SRL: variants seen among roughly 807,000 people sequenced by gnomAD.
The protein encoded by SRL is sarcalumenin.
SRL carries 23 observed loss-of-function variants against 39.5 expected under a neutral mutation model. That is an observed-to-expected ratio of 0.58 (90% CI 0.42 to 0.82). The LOEUF (loss-of-function observed/expected upper bound fraction) is 0.82. Among genes scored for constraint, SRL ranks in the 40% least tolerant of loss-of-function variants. The probability of loss-of-function intolerance (pLI) is 0.00; values close to 1 mark genes in which losing one functional copy is unlikely to be tolerated. For missense variants in SRL, 592 were observed against 607.8 expected (o/e 0.97, Z 0.27); for synonymous variants, 272 against 237.4 (o/e 1.15, Z -1.34).
intron 2 of SRL, among the ~76,000 whole-genome samples, chr16:4,204,032 C>T (rs546212623): frequency 3.0e-4 from 46 of 152,286 alleles, no homozygotes; most frequent in Non-Finnish European, 3.2e-4. Flanking sequence ...GTCAGGCTAG[C>T]GAGACTCTAC....
chr16:4,231,180 G>C (rs894712227), intron 1 of SRL, among the ~76,000 whole-genome samples: 1 of 152,144 alleles, frequency 6.6e-6, no homozygotes, highest in African/African-American at 2.4e-5. Flanking sequence ...GCTGAGCATG[G>C]TGGTGCATGC....
rs56280975 is a variant in SRL at position 4,203,129 on chromosome 16, C to T, written c.259+37G>A. ...CCCGCCGACAGGCCTGCGCCGTACC[C>T]GTAATCTCAAGCCCTACCTGTTATC... On this transcript the variant is annotated intron_variant, in intron 3 of 5. Coordinates refer to ENST00000399609, the MANE Select transcript of SRL (RefSeq NM_001098814.2). 0.2 allele frequency: 317,212 copies of T among 1,585,514 alleles called. 35,259 individuals carry two copies. Among genetic ancestry groups the T allele is most frequent in the African/African-American group, 0.39 (28,836 of 74,108 alleles).
rs1363455349 is a variant in SRL, at chr16:4,191,186, A to T, written c.*967T>A. 1 of 152,298 alleles carries T rather than the reference A, an allele frequency of 6.6e-6. No individual in the cohort carries two copies. The highest frequency in any genetic ancestry group is 1.5e-5 in the Non-Finnish European group (1 of 68,102). 9.4% of individuals were successfully genotyped at this position (152,298 alleles called of 1,614,324 possible). A position where few individuals can be genotyped will look rare whatever the true frequency, so the allele number is the denominator to read the frequency against. On this transcript the variant is annotated 3_prime_UTR_variant, in exon 6 of 6. Transcript: ENST00000399609. The stretch of plus-strand genomic sequence containing the variant: ...AGCCCTCGAGCCAGCTTTGAGGAAC[A>T]CATCAGAGAAGTGGCAGTGGGGGAG...
At chr16:4,230,473 C>T (rs528760567) in intron 1 of SRL, among the ~76,000 whole-genome samples, 5 of 151,758 alleles carry the variant, frequency 3.3e-5, no homozygotes, top group East Asian at 3.9e-4. Context: ...CTCCACCTCC[C>T]GGGTTCAAGC....
chr16:4,216,786 G>A (rs1250585156), intron 1 of SRL, among the ~76,000 whole-genome samples: 1 of 152,166 alleles, frequency 6.6e-6, no homozygotes, highest in Non-Finnish European at 1.5e-5. Context: ...GGAAAGGAAG[G>A]GGAAAGGGAT....
Position 4,192,640 on chromosome 16 carries a change from A to T in SRL, c.935T>A (p.Ile312Asn). 1 of 1,613,838 alleles carries T rather than the reference A, an allele frequency of 6.2e-7. No individual in the cohort carries two copies. Among genetic ancestry groups the T allele is most frequent in the Non-Finnish European group, 8.5e-7 (1 of 1,179,974 alleles). Residue 312 changes from isoleucine (I) to asparagine (N), a missense_variant, in exon 6 of 6, where the codon ATC (isoleucine) becomes AAC (asparagine). By Grantham distance (149) the Ile-to-Asn change is moderately radical. Transcript: ENST00000399609. The surrounding 1 kb of genome is among the most constrained non-coding windows in gnomAD (Gnocchi z 4.0). ...THQELFLQEE[I>N]SLLEDLNQVI... ...CTGATTCAGGTCTTCTAGGAGGGAGATCTCTTCTTGGAGGAACAGTTCCTG... is the reference window on the plus strand; with the variant it reads ...CTGATTCAGGTCTTCTAGGAGGGAGTTCTCTTCTTGGAGGAACAGTTCCTG...
At chr16:4,201,026 G>A (rs1446317400) in intron 3 of SRL, among the ~76,000 whole-genome samples, 1 of 152,098 alleles carries the variant, frequency 6.6e-6, no homozygotes, top group East Asian at 1.9e-4. Flanking sequence ...GGGAAACAAG[G>A]ACTCTCATCT....
At chr16:4,198,913 G>C (rs1324390744) in intron 3 of SRL, among the ~76,000 whole-genome samples, 2 of 152,178 alleles carry the variant, frequency 1.3e-5, no homozygotes, top group Non-Finnish European at 2.9e-5. Flanking sequence ...GGGTCCCTAA[G>C]AGGAAAAATA....
chr16:4,209,234 C>T (rs2052363122), intron 1 of SRL, among the ~76,000 whole-genome samples: 1 of 151,890 alleles, frequency 6.6e-6, no homozygotes, highest in African/African-American at 2.4e-5. Flanking sequence ...GATCGCGCCA[C>T]TGCACTCCAG....
At position 4,226,966 on chromosome 16, in the gene SRL, G is replaced by A. The variant is rs116375864; in HGVS notation, c.61+15041C>T. Among the ~76,000 whole-genome samples the A allele has an allele frequency of 8.3e-3, 1,251 of 151,114 alleles. 21 individuals are homozygous for A. The highest frequency in any genetic ancestry group is 0.028 in the African/African-American group (1,164 of 41,086). ...TGGATGGATGAGTAGATGCATGGAC[G>A]GGTGGATGAATAGGTGTGTGGGTGG... On this transcript the variant is annotated intron_variant, in intron 1 of 5. Transcript: ENST00000399609.
At position 4,191,919 on chromosome 16, in the gene SRL, C is replaced by A; in HGVS notation, c.*234G>T. 2.2e-6 allele frequency: 1 copy of A among 461,444 alleles called. No homozygotes were observed. The highest frequency in any genetic ancestry group is 3.8e-6 in the Non-Finnish European group (1 of 264,880). 28.6% of individuals were successfully genotyped at this position (461,444 alleles called of 1,614,324 possible). A position where few individuals can be genotyped will look rare whatever the true frequency, so the allele number is the denominator to read the frequency against. On this transcript the variant is annotated 3_prime_UTR_variant, in exon 6 of 6. Transcript: ENST00000399609. ...GGAAAAGCAGGTGGAGGCTGACTTG[C>A]CTCAATCAGGCCTCCTCATTGAAGC...
At position 4,213,404 on chromosome 16, in the gene SRL, C is replaced by CTTT. The variant is rs1176583909; in HGVS notation, c.62-8773_62-8771dup. Among the ~76,000 whole-genome samples the CTTT allele has an allele frequency of 2.6e-3, 184 of 69,572 alleles. 1 individual carries two copies. Among genetic ancestry groups the CTTT allele is most frequent in the African/African-American group, 6.6e-3 (80 of 12,198 alleles). 45.6% of individuals were successfully genotyped at this position (69,572 alleles called of 152,430 possible). A position where few individuals can be genotyped will look rare whatever the true frequency, so the allele number is the denominator to read the frequency against. On this transcript the variant is annotated intron_variant, in intron 1 of 5. Transcript: ENST00000399609. ...CATCTTTTTTTTTCTTTTTCTTTTT[C>CTTT]TTTTTTTTTTTTTTTTTTTTTTTTT...
chr16:4,224,053 A>T (rs1026432513), intron 1 of SRL, among the ~76,000 whole-genome samples: 1 of 151,932 alleles, frequency 6.6e-6, no homozygotes, highest in African/African-American at 2.4e-5. Context: ...ACTACCATGG[A>T]TGGAACTCTA....
intron 1 of SRL, among the ~76,000 whole-genome samples, chr16:4,240,184 G>A (rs1046503310): frequency 6.6e-5 from 10 of 152,324 alleles, no homozygotes; most frequent in Admixed American, 2.0e-4. Flanking sequence ...CCCAGCCAAG[G>A]AGCAAGCATG....
intron 3 of SRL, among the ~76,000 whole-genome samples, chr16:4,200,352 C>G (rs114131509): frequency 6.6e-6 from 1 of 152,180 alleles, no homozygotes; most frequent in African/African-American, 2.4e-5. Context: ...TCCGGTTCTC[C>G]GAGACAAACC....
chr16:4,206,610 A>G (rs1406953149), intron 1 of SRL: 5 of 444,430 alleles, frequency 1.1e-5, no homozygotes, highest in Non-Finnish European at 2.3e-5. Flanking sequence ...CGGGACTGTG[A>G]AAAGGGCCTG....
chr16:4,212,833 C>G (rs1423882567), intron 1 of SRL, among the ~76,000 whole-genome samples: 1 of 152,164 alleles, frequency 6.6e-6, no homozygotes, highest in Non-Finnish European at 1.5e-5. Flanking sequence ...GCAGGTCCCA[C>G]CAGCCCCACA....
At chr16:4,228,734 CA>C (rs371756722) in intron 1 of SRL, among the ~76,000 whole-genome samples, 12 of 136,104 alleles carry the variant, frequency 8.8e-5, no homozygotes, top group Non-Finnish European at 8.0e-5. Flanking sequence ...GACTCCGTCT[CA>C]AAAAAAAAAG....
At chr16:4,209,708 T>G (rs2052369154) in intron 1 of SRL, among the ~76,000 whole-genome samples, 1 of 152,182 alleles carries the variant, frequency 6.6e-6, no homozygotes, top group African/African-American at 2.4e-5. Context: ...TGCCTTTTAT[T>G]ATAGAGGAGC....
Sources: allele counts gnomAD v4.1 joint callset (sites outside exome capture counted in the v4.1 genomes callset), GRCh38; gene constraint gnomAD v4.1.1; non-coding constraint Gnocchi (gnomAD v3.1); transcripts MANE v1.5; gene names NCBI Gene and HGNC (gene_info 2026-07-23, HGNC 2026-07-21).